Variants in CAB39 observed in about 807,000 individuals in gnomAD.
The protein encoded by CAB39 is calcium-binding protein 39.
CAB39 carries 8 observed loss-of-function variants against 40.0 expected under a neutral mutation model. The ratio of observed to expected loss-of-function variants is 0.20; its 90% CI spans 0.12 to 0.36. CAB39 has a LOEUF of 0.36. Ranked by LOEUF, CAB39 falls within the 10% of genes least tolerant of loss-of-function variation. The pLI, the probability that CAB39 is intolerant of heterozygous loss-of-function variation, is 1.00. For missense variants in CAB39, 270 were observed against 401.1 expected, an observed-to-expected ratio of 0.67 and a Z score of 2.79; for synonymous variants, 156 against 141.6, an observed-to-expected ratio of 1.10 and a Z score of -0.72.
chr2:230,742,144 T>TTTTTG (rs1299598126), intron 1 of CAB39, among the ~76,000 whole-genome samples: 34 of 148,140 alleles, frequency 2.3e-4, no homozygotes, highest in Non-Finnish European at 3.9e-4. Flanking sequence ...AGATAAGTCT[T>TTTTTG]TTTTGTTTTG....
At chr2:230,727,471 G>A (rs10164700) in intron 1 of CAB39, among the ~76,000 whole-genome samples, 21,376 of 148,710 alleles carry the variant, frequency 0.14, 2,316 homozygotes, top group African/African-American at 0.31. Flanking sequence ...CTGGAGTGCG[G>A]TGGCGCAGTC....
intron 1 of CAB39, among the ~76,000 whole-genome samples, chr2:230,723,053 T>A (rs985610111): frequency 5.3e-5 from 8 of 152,322 alleles, no homozygotes; most frequent in South Asian, 2.1e-4. Flanking sequence ...AAGCCTTTTT[T>A]AAAAATCTTT....
intron 3 of CAB39, among the ~76,000 whole-genome samples, chr2:230,791,450 T>C (rs780644011): frequency 2.6e-4 from 39 of 152,246 alleles, no homozygotes; most frequent in Admixed American, 6.5e-4. Context: ...CATCCAGTTA[T>C]GTCTTCGTTA....
intron 5 of CAB39, among the ~76,000 whole-genome samples, chr2:230,805,098 C>T (rs1029822110): frequency 6.6e-5 from 10 of 152,060 alleles, no homozygotes; most frequent in Middle Eastern, 3.2e-3. Flanking sequence ...TCCTTTGTAG[C>T]GACATGGATG....
At chr2:230,791,107 T>G in intron 3 of CAB39, 71 bp downstream of exon 3, 1 of 1,146,114 alleles carries the variant, frequency 8.7e-7, no homozygotes, top group Non-Finnish European at 1.2e-6. Context: ...GTTCTCTCTT[T>G]TGGAACATTG....
chr2:230,780,356 G>T (rs1293413410), intron 2 of CAB39, among the ~76,000 whole-genome samples: 1 of 152,108 alleles, frequency 6.6e-6, no homozygotes, highest in African/African-American at 2.4e-5. Flanking sequence ...AAATAACATT[G>T]GTATAATACT....
intron 2 of CAB39, among the ~76,000 whole-genome samples, chr2:230,768,994 G>A (rs546799076): frequency 2.6e-5 from 4 of 152,182 alleles, no homozygotes; most frequent in African/African-American, 4.8e-5. Context: ...CTACTATATG[G>A]TGCCTATTAA....
chr2:230,755,307 T>C (rs1311618754), intron 1 of CAB39, among the ~76,000 whole-genome samples: 1 of 152,232 alleles, frequency 6.6e-6, no homozygotes, highest in South Asian at 2.1e-4. Flanking sequence ...ATATACTGTT[T>C]ATTGATTTTT....
intron 2 of CAB39, among the ~76,000 whole-genome samples, chr2:230,780,567 C>G (rs1023780400): frequency 2.6e-5 from 4 of 152,150 alleles, no homozygotes; most frequent in African/African-American, 9.7e-5. Flanking sequence ...TACTAGTCAG[C>G]TATTTTATAG....
In CAB39 at chr2:230,787,578, C is replaced by T. The variant is rs530133860; in HGVS notation, c.115-3294C>T. Among the ~76,000 whole-genome samples the T allele has an allele frequency of 2.0e-5, 3 of 152,274 alleles. No individual in the cohort carries two copies. In the South Asian group the frequency reaches 6.2e-4, roughly 32 times the overall value. ...TTTACCAAGCAGTACCTGTGAAAGC[C>T]AAAGACATTTTGTTCACTGTAAGCT... On this transcript the variant is annotated intron_variant, in intron 2 of 8. Transcript: ENST00000258418.
At chr2:230,797,710 C>T (rs1204715330) in intron 4 of CAB39, among the ~76,000 whole-genome samples, 2 of 151,972 alleles carry the variant, frequency 1.3e-5, no homozygotes, top group East Asian at 1.9e-4. Flanking sequence ...CATTAGCAGG[C>T]TGTAGGCAAC....
intron 1 of CAB39, among the ~76,000 whole-genome samples, chr2:230,716,051 A>C (rs999990293): frequency 1.3e-5 from 2 of 151,996 alleles, no homozygotes; most frequent in Non-Finnish European, 2.9e-5. Flanking sequence ...AGCATTTTCT[A>C]CTTCAGGTTC....
intron 4 of CAB39, among the ~76,000 whole-genome samples, chr2:230,795,791 C>T (rs929862995): frequency 6.6e-6 from 1 of 152,056 alleles, no homozygotes; most frequent in Non-Finnish European, 1.5e-5. Context: ...AACCCTTCTT[C>T]CTTGATGACT....
In CAB39 at chr2:230,819,220, G is replaced by A. The variant is rs569894604; in HGVS notation, c.*516G>A. On this transcript the variant is annotated 3_prime_UTR_variant, in exon 9 of 9. Coordinates refer to ENST00000258418, the MANE Select transcript of CAB39 (RefSeq NM_016289.4). Reference sequence around the variant, plus strand: ...TGGGAGTTTGGGGGCAGCTAAAGTTGACATGCGAATAAATTGATACTGAAA... The same window carrying A: ...TGGGAGTTTGGGGGCAGCTAAAGTTAACATGCGAATAAATTGATACTGAAA... 1 of 152,480 alleles carries A rather than the reference G, an allele frequency of 6.6e-6. No individual in the cohort carries two copies. The highest frequency in any genetic ancestry group is 6.5e-5 in the Admixed American group (1 of 15,318). 9.4% of individuals were successfully genotyped at this position (152,480 alleles called of 1,614,324 possible).
intron 1 of CAB39, among the ~76,000 whole-genome samples, chr2:230,748,830 AAATATATAT>A (rs1202863943): frequency 2.2e-4 from 11 of 50,658 alleles, no homozygotes; most frequent in African/African-American, 9.8e-4. Flanking sequence ...AAAAAAAAAA[AAATATATAT>A]ATATATATAT....
intron 6 of CAB39, 133 bp from the exon 7 acceptor site, chr2:230,813,916 C>T (rs1401545060): frequency 1.1e-5 from 6 of 541,470 alleles, no homozygotes; most frequent in Admixed American, 7.9e-5. Flanking sequence ...GCCAGGGCAG[C>T]TGTTGGCCTT....
chr2:230,764,688 G>A (rs938867464), intron 2 of CAB39, among the ~76,000 whole-genome samples: 5 of 152,162 alleles, frequency 3.3e-5, no homozygotes, highest in African/African-American at 4.8e-5. Context: ...ATAGTTGGTC[G>A]TTTTCCTTGA....
intron 1 of CAB39, among the ~76,000 whole-genome samples, chr2:230,735,183 TGAGA>T (rs1335155269): frequency 6.6e-6 from 1 of 152,198 alleles, no homozygotes; most frequent in African/African-American, 2.4e-5. Context: ...TTTTTATTTT[TGAGA>T]GAGAGTTGTC....
chr2:230,793,941 C>A (rs1337492462), intron 4 of CAB39, among the ~76,000 whole-genome samples: 1 of 152,140 alleles, frequency 6.6e-6, no homozygotes, highest in Non-Finnish European at 1.5e-5. Context: ...GCCTGAAAAC[C>A]GAACCATAGA....
Sources: gnomAD v4.1 joint callset for allele counts (sites outside exome capture counted in the v4.1 genomes callset) on GRCh38, gnomAD v4.1.1 for gene constraint, MANE v1.5 for transcripts, NCBI Gene and HGNC (gene_info 2026-07-23, HGNC 2026-07-21) for gene names.